Variants in RAD51B observed in about 807,000 individuals in gnomAD.
RAD51B encodes RAD51 paralog B, also known as DNA repair protein RAD51 homolog 2.
Under a neutral mutation model 42.2 loss-of-function variants are expected in RAD51B, and 38 were observed. The ratio of observed to expected loss-of-function variants is 0.90; its 90% CI spans 0.70 to 1.18. The LOEUF (loss-of-function observed/expected upper bound fraction) is 1.18. Among genes scored for constraint, RAD51B ranks in the 50% most tolerant of loss-of-function variants. RAD51B has a pLI of 0.00. For synonymous variants in RAD51B, 154 were observed against 145.2 expected (o/e 1.06, Z -0.43); for missense variants, 373 against 400.7 (o/e 0.93, Z 0.59).
intron 9 of RAD51B, among the ~76,000 whole-genome samples, chr14:68,454,963 C>T (rs888389328): frequency 2.0e-5 from 3 of 152,190 alleles, no homozygotes; most frequent in Non-Finnish European, 4.4e-5. Context: ...CTGAAGATCT[C>T]ACTTCCAGCT....
At position 68,240,320 on chromosome 14, in the gene RAD51B, C is replaced by T. The variant is rs1015374532; in HGVS notation, c.757-51564C>T. Among the ~76,000 whole-genome samples the T allele has an allele frequency of 1.4e-4, 22 of 152,166 alleles. 1 individual carries two copies. The highest frequency in any genetic ancestry group is 1.2e-3 in the Admixed American group (19 of 15,284). ...ACCTCAACTCCACTTCCTTATACAG[C>T]CACTTAGGGAAGGACAGACAATAAA... On this transcript the variant is annotated intron_variant, in intron 7 of 10. Transcript: ENST00000471583.
At chr14:67,846,360 C>A (rs554320846) in intron 4 of RAD51B, among the ~76,000 whole-genome samples, 1 of 152,080 alleles carries the variant, frequency 6.6e-6, no homozygotes, top group Non-Finnish European at 1.5e-5. Context: ...GCAATGGCCA[C>A]GCAGTGGTGG....
chr14:68,255,166 A>G (rs939715299), intron 7 of RAD51B, among the ~76,000 whole-genome samples: 1 of 151,804 alleles, frequency 6.6e-6, no homozygotes, highest in African/African-American at 2.4e-5. Context: ...TCTCCCCACT[A>G]AAAACATTAA....
At chr14:68,423,994 C>T (rs2084774373) in intron 9 of RAD51B, among the ~76,000 whole-genome samples, 1 of 152,144 alleles carries the variant, frequency 6.6e-6, no homozygotes, top group African/African-American at 2.4e-5. Context: ...CTTTTCTGTG[C>T]TCTGGGTTTG....
chr14:68,671,456 C>G (rs1255267241), intron 11 of RAD51B, among the ~76,000 whole-genome samples: 1 of 152,100 alleles, frequency 6.6e-6, no homozygotes, highest in Non-Finnish European at 1.5e-5. Context: ...CTATCCTCCT[C>G]CATCCCTGCT....
At chr14:68,509,481 C>T (rs1359011814) in intron 10 of RAD51B, among the ~76,000 whole-genome samples, 4 of 152,224 alleles carry the variant, frequency 2.6e-5, no homozygotes, top group Non-Finnish European at 5.9e-5. Flanking sequence ...GTACTTGGAA[C>T]CTTCACTGAG....
intron 7 of RAD51B, among the ~76,000 whole-genome samples, chr14:68,218,081 A>G (rs1194309920): frequency 1.3e-5 from 2 of 152,242 alleles, no homozygotes; most frequent in Non-Finnish European, 2.9e-5. Context: ...GTCATACAAC[A>G]CTGAAAACAA....
At chr14:68,378,763 A>C (rs2083422128) in intron 8 of RAD51B, among the ~76,000 whole-genome samples, 1 of 151,822 alleles carries the variant, frequency 6.6e-6, no homozygotes, top group African/African-American at 2.4e-5. Flanking sequence ...AGGGCTGACT[A>C]TACTGCTTTT....
chr14:68,294,298 A>AT (rs3837658), intron 8 of RAD51B, among the ~76,000 whole-genome samples: 89 of 151,718 alleles, frequency 5.9e-4, no homozygotes, highest in African/African-American at 1.9e-3. Context: ...ATTTTTCTAG[A>AT]TTTTTTTTTT....
chr14:68,578,362 G>C (rs1401464334), intron 10 of RAD51B, among the ~76,000 whole-genome samples: 5 of 152,134 alleles, frequency 3.3e-5, no homozygotes, highest in Non-Finnish European at 7.3e-5. Flanking sequence ...AGTGAACGGA[G>C]ATTGCACCAT....
intron 8 of RAD51B, among the ~76,000 whole-genome samples, chr14:68,318,182 G>A (rs8013078): frequency 0.69 from 104,544 of 152,086 alleles, 36,072 homozygotes; most frequent in Non-Finnish European, 0.73. Flanking sequence ...TGACCAGCAC[G>A]TAATTTGTGC....
chr14:68,289,405 C>T (rs1367228921), intron 7 of RAD51B, among the ~76,000 whole-genome samples: 1 of 152,104 alleles, frequency 6.6e-6, no homozygotes, highest in African/African-American at 2.4e-5. Flanking sequence ...AACTTCAAAG[C>T]TCATACCCTA....
At chr14:68,325,506 G>A (rs774787923) in intron 8 of RAD51B, among the ~76,000 whole-genome samples, 1 of 151,924 alleles carries the variant, frequency 6.6e-6, no homozygotes, top group Non-Finnish European at 1.5e-5. Flanking sequence ...TTGATTAAGA[G>A]TATTTTTTTA....
rs538686929 is a variant in RAD51B, at chr14:68,656,690, C to T, written c.*11+5834C>T. ...AGTGTGACCTTTGGGCCTGCCTGGGCGGGTGACTGAGTTAGGCCCCCAGGT... is the reference window on the plus strand; with the variant it reads ...AGTGTGACCTTTGGGCCTGCCTGGGTGGGTGACTGAGTTAGGCCCCCAGGT... On this transcript the variant is annotated intron_variant, in intron 11 of 11. Transcript: ENST00000488612. Among the ~76,000 whole-genome samples the T allele has an allele frequency of 3.1e-3, 475 of 152,236 alleles. 2 individuals carry two copies. Among genetic ancestry groups the T allele is most frequent in the Non-Finnish European group, 5.0e-3 (337 of 68,006 alleles).
At chr14:68,448,967 A>G (rs1017433658) in intron 9 of RAD51B, among the ~76,000 whole-genome samples, 1 of 152,248 alleles carries the variant, frequency 6.6e-6, no homozygotes, top group African/African-American at 2.4e-5. Context: ...TTTTCTATGC[A>G]TATATCAAAA....
chr14:67,976,393 C>T (rs749235550), intron 7 of RAD51B, among the ~76,000 whole-genome samples: 4 of 151,942 alleles, frequency 2.6e-5, no homozygotes, highest in Non-Finnish European at 5.9e-5. Flanking sequence ...GCTGGAATTA[C>T]AGGTGTGAGC....
chr14:67,980,111 T>C (rs1171978446), intron 7 of RAD51B, among the ~76,000 whole-genome samples: 4 of 152,132 alleles, frequency 2.6e-5, no homozygotes, highest in African/African-American at 9.7e-5. Context: ...ATTTTATTTC[T>C]ATTACTGTAG....
chr14:68,031,813 G>GAA (rs2076048245), intron 7 of RAD51B, among the ~76,000 whole-genome samples: 1 of 152,144 alleles, frequency 6.6e-6, no homozygotes, highest in Admixed American at 6.5e-5. Context: ...ATCTGAGATG[G>GAA]AAAATTTCTT....
rs142126731 is a variant in RAD51B at position 68,217,913 on chromosome 14, T to C, written c.757-73971T>C. ...TTGTTTAAGATTAGTCTCTAATAAG[T>C]AAGAGGGCCTTGCTGGATTTCTTCA... On this transcript the variant is annotated intron_variant, in intron 7 of 10. Transcript: ENST00000471583. 2.0e-3 allele frequency among the ~76,000 whole-genome samples: 307 copies of C among 152,332 alleles called. 3 individuals carry two copies. Among genetic ancestry groups the C allele is most frequent in the African/African-American group, 7.2e-3 (299 of 41,580 alleles).
Sources: allele counts gnomAD v4.1 joint callset (sites outside exome capture counted in the v4.1 genomes callset), GRCh38; gene constraint gnomAD v4.1.1; transcripts MANE v1.5; gene names NCBI Gene and HGNC (gene_info 2026-07-23, HGNC 2026-07-21).